The following ASTE1 variants were observed in gnomAD, a reference collection of about 807,000 sequenced individuals.
ASTE1 encodes the protein single-strand DNA endonuclease ASTE1.
ASTE1 carries 49 observed loss-of-function variants against 45.8 expected under a neutral mutation model. The ratio of observed to expected loss-of-function variants is 1.07; its 90% CI spans 0.85 to 1.36. The LOEUF is 1.36. Among genes scored for constraint, ASTE1 ranks in the 40% most tolerant of loss-of-function variants. The pLI, the probability that ASTE1 is intolerant of heterozygous loss-of-function variation, is 0.00. For synonymous variants in ASTE1, 296 were observed against 303.9 expected, an observed-to-expected ratio of 0.97 and a Z score of 0.27; for missense variants, 709 against 804.0, an observed-to-expected ratio of 0.88 and a Z score of 1.43.
chr3:131,015,060 T>G, intron 5 of ASTE1: 1 of 504,714 alleles, frequency 2.0e-6, no homozygotes, highest in Non-Finnish European at 3.5e-6. Flanking sequence ...TGGCCTTAAA[T>G]TATTAAACGA....
chr3:131,024,260 T>A lies in ASTE1; in HGVS notation c.1047A>T (p.Arg349Ser). The A allele has an allele frequency of 6.2e-7, 1 of 1,614,106 alleles. No individual in the cohort carries two copies. Among genetic ancestry groups the A allele is most frequent in the East Asian group, 2.2e-5 (1 of 44,892 alleles). The change falls in exon 3 of 6, where the codon AGA (arginine) becomes AGT (serine). Residue 349 changes from arginine to serine, a missense_variant. By Grantham distance (110) the Arg-to-Ser change is moderately radical (BLOSUM62 -1). Coordinates refer to ENST00000264992, the MANE Select transcript of ASTE1 (RefSeq NM_014065.4). ...SPFISDALVLRRTILPTQVEN... is the reference protein window; with the variant it reads ...SPFISDALVLSRTILPTQVEN... ...CCACCTGTGTGGGAAGAATGGTCCG[T>A]CTTAGGACCAAAGCATCACTGATGA...
At position 131,014,390 on chromosome 3, in the gene ASTE1, G is replaced by C. The variant is rs770595282; in HGVS notation, c.1710-3C>G. ...GCACCAGGCTTCCACTGTACAGTCT[G>C]TTCAAAGCAAGAAAAAAGTATGTTG... On this transcript the variant is annotated splice_region_variant and splice_polypyrimidine_tract_variant and intron_variant, in intron 5 of 5. Transcript: ENST00000264992. 12 of 1,557,036 alleles carry C rather than the reference G, an allele frequency of 7.7e-6. No individual in the cohort carries two copies. Among genetic ancestry groups the C allele is most frequent in the Non-Finnish European group, 1.0e-5 (12 of 1,156,518 alleles).
Position 131,025,131 on chromosome 3 carries a change from A to G in ASTE1, c.176T>C (p.Val59Ala). ...CAGTGATTCAAAGAATTTTTGTACA[A>G]CATCTGCAAAAGAATCATAGTCCCC... ...YGGDYDSFAD[V>A]VQKFFESLFA... The change falls in exon 3 of 6, where the codon GTT becomes GCT. Residue 59 changes from valine (V) to alanine (A), a missense_variant. By Grantham distance (64) the Val-to-Ala change is moderately conservative (BLOSUM62 0). Coordinates refer to ENST00000264992, the MANE Select transcript of ASTE1 (RefSeq NM_014065.4). 6.2e-7 allele frequency: 1 copy of G among 1,614,178 alleles called. No individual in the cohort carries two copies. The highest frequency in any genetic ancestry group is 8.5e-7 in the Non-Finnish European group (1 of 1,180,002).
At position 131,018,605 on chromosome 3, in the gene ASTE1, A is replaced by C. The variant is rs1283365341; in HGVS notation, c.1414T>G (p.Trp472Gly). 8.7e-6 allele frequency: 14 copies of C among 1,613,794 alleles called. No homozygotes were observed. The highest frequency in any genetic ancestry group is 1.2e-5 in the Non-Finnish European group (14 of 1,179,950). Residue 472 changes from tryptophan to glycine, a missense_variant, in exon 4 of 6, where the codon TGG becomes GGG. By Grantham distance (184) the Trp-to-Gly change is radical. Coordinates refer to ENST00000264992, the MANE Select transcript of ASTE1 (RefSeq NM_014065.4). The stretch of plus-strand genomic sequence containing the variant: ...GCTTTGGTCTCGGTGTGCTGCAACC[A>C]GTAGCAACTGACAGCAATGGGCAAC... ...LKLPIAVSCY[W>G]LQHTETKAKL...
intron 3 of ASTE1, 117 bp from the exon 4 acceptor site, chr3:131,018,833 T>A: frequency 5.9e-6 from 6 of 1,012,782 alleles, no homozygotes; most frequent in Non-Finnish European, 8.6e-6. Context: ...CTGTTAAACT[T>A]ATCTTCTTGT....
At position 131,013,999 on chromosome 3, in the gene ASTE1, C is replaced by A; in HGVS notation, c.*58G>T. 7.7e-7 allele frequency: 1 copy of A among 1,296,212 alleles called. No homozygotes were observed. The highest frequency in any genetic ancestry group is 1.1e-6 in the Non-Finnish European group (1 of 947,066). The allele number at this position is 1,296,212 out of a possible 1,614,324, so 80.3% of individuals were successfully genotyped here. A position where few individuals can be genotyped will look rare whatever the true frequency, so the allele number is the denominator to read the frequency against. On this transcript the variant is annotated 3_prime_UTR_variant, in exon 6 of 6. Transcript: ENST00000264992. ...AAGCTAATTGTTTCAAGGGTGGTAA[C>A]GGAAGAATTTTAAGTAAGGATTATA... is the stretch of plus-strand genomic sequence containing the variant.
chr3:131,021,735 G>C (rs559156333), intron 3 of ASTE1, among the ~76,000 whole-genome samples: 1 of 152,274 alleles, frequency 6.6e-6, no homozygotes, highest in South Asian at 2.1e-4. Flanking sequence ...TGGATACATT[G>C]ATTATTTTAA....
chr3:131,014,977 G>C (rs1476675658), intron 5 of ASTE1, among the ~76,000 whole-genome samples: 1 of 152,168 alleles, frequency 6.6e-6, no homozygotes, highest in Non-Finnish European at 1.5e-5. Flanking sequence ...ATTATTAAGA[G>C]AACTGTTTTG....
chr3:131,019,489 A>C lies in ASTE1; in HGVS notation c.1303-773T>G, dbSNP rs565958124. ...TCAGAAGTAAAACAGCTATAAGAGC[A>C]CTGAGGTTCTTGTTGAAATAATTTT... On this transcript the variant is annotated intron_variant, in intron 3 of 5. Transcript: ENST00000264992. 8.5e-5 allele frequency among the ~76,000 whole-genome samples: 13 copies of C among 152,358 alleles called. No homozygotes were observed. The East Asian group carries it at 2.5e-3, about 29-fold the overall frequency.
chr3:131,014,365 G>A lies in ASTE1; in HGVS notation c.1732C>T (p.His578Tyr). Residue 578 changes from histidine (H) to tyrosine (Y), a missense_variant, in exon 6 of 6, where the codon CAC (histidine) becomes TAC (tyrosine). Physicochemically the swap from His to Tyr is moderately conservative, Grantham distance 83 (BLOSUM62 2). Coordinates refer to ENST00000264992, the MANE Select transcript of ASTE1 (RefSeq NM_014065.4). Reference protein sequence around the residue: ...LTRLYSGSLVHGLCQQLLAST... With the variant: ...LTRLYSGSLVYGLCQQLLAST... Reference sequence around the variant, plus strand: ...GCTAGCAGTTGCTGGCATAGTCCGTGCACCAGGCTTCCACTGTACAGTCTG... The same window carrying A: ...GCTAGCAGTTGCTGGCATAGTCCGTACACCAGGCTTCCACTGTACAGTCTG... 1 of 1,604,854 alleles carries A rather than the reference G, an allele frequency of 6.2e-7. No individual in the cohort carries two copies. The highest frequency in any genetic ancestry group is 1.1e-5 in the South Asian group (1 of 89,016).
chr3:131,019,300 T>C (rs555323673), intron 3 of ASTE1, among the ~76,000 whole-genome samples: 1 of 152,204 alleles, frequency 6.6e-6, no homozygotes, highest in Non-Finnish European at 1.5e-5. Flanking sequence ...GAATGCTTTA[T>C]TGTCTTTGCA....
chr3:131,020,693 A>G (rs971008120), intron 3 of ASTE1, among the ~76,000 whole-genome samples: 1 of 152,246 alleles, frequency 6.6e-6, no homozygotes, highest in African/African-American at 2.4e-5. Flanking sequence ...TGTGTTTGGA[A>G]TCACATGAGC....
chr3:131,015,218 G>A (rs552507543), intron 5 of ASTE1: 8 of 702,070 alleles, frequency 1.1e-5, no homozygotes, highest in African/African-American at 8.7e-5. Flanking sequence ...TTTTGTATGC[G>A]TCCATATATC....
In ASTE1 at chr3:131,024,766, TC is replaced by T. The variant is rs758436739; in HGVS notation, c.540del (p.Trp180Ter). ...TGFCPLNSFQ[W>X]RNMNTIKGTQ... Reference sequence around the variant, plus strand: ...GTGCCCTTAATAGTGTTCATATTTCTCCACTGAAAGCTATTCAATGGGCAAA... The same window carrying T: ...GTGCCCTTAATAGTGTTCATATTTCTCACTGAAAGCTATTCAATGGGCAAA... On this transcript the variant is annotated frameshift_variant, in exon 3 of 6. Coordinates refer to ENST00000264992, the MANE Select transcript of ASTE1 (RefSeq NM_014065.4). LOFTEE classifies it high-confidence loss of function. 1 of 1,613,962 alleles carries T rather than the reference TC, an allele frequency of 6.2e-7. No individual in the cohort carries two copies. Among genetic ancestry groups the T allele is most frequent in the South Asian group, 1.1e-5 (1 of 91,042 alleles).
chr3:131,018,105 T>C (rs2063687529), intron 4 of ASTE1, among the ~76,000 whole-genome samples: 1 of 152,134 alleles, frequency 6.6e-6, no homozygotes, highest in Admixed American at 6.5e-5. Context: ...TGTAGGTATT[T>C]AGATAAGTTT....
intron 2 of ASTE1, 63 bp downstream of exon 2, chr3:131,025,411 A>G (rs1427078726): frequency 6.7e-7 from 1 of 1,496,852 alleles, no homozygotes; most frequent in Non-Finnish European, 8.9e-7. Context: ...CCATTAAATC[A>G]ATAGCAAATG....
Position 131,025,507 on chromosome 3 carries a change from C to T in ASTE1, c.-59G>A, listed in dbSNP as rs1577117756. On this transcript the variant is annotated 5_prime_UTR_variant, in exon 2 of 6. An upstream start codon of the reference 5' UTR is lost. Coordinates refer to ENST00000264992, the MANE Select transcript of ASTE1 (RefSeq NM_014065.4). ...TCAAGCAATGTTAGCTGTGCTTTTT[C>T]ATTCTCCTTTGCTTTCTGATACAAG... is the stretch of plus-strand genomic sequence containing the variant. The T allele has an allele frequency of 1.1e-6, 1 of 875,372 alleles. No homozygotes were observed. The highest frequency in any genetic ancestry group is 2.9e-5 in the East Asian group (1 of 34,878). 54.2% of individuals were successfully genotyped at this position (875,372 alleles called of 1,614,324 possible). A position where few individuals can be genotyped will look rare whatever the true frequency, so the allele number is the denominator to read the frequency against.
rs566959217 is a variant in ASTE1 at position 131,026,458 on chromosome 3, C to G, written c.-147+49G>C. ...ACACAGGCCTTCATACACCGTGCCA[C>G]CTCGGCCCTCACAACCCGCCGCCCG... On this transcript the variant is annotated intron_variant, in intron 1 of 5. Transcript: ENST00000264992. 338 of 153,140 alleles carry G rather than the reference C, an allele frequency of 2.2e-3. 6 individuals carry two copies. The highest frequency in any genetic ancestry group is 3.8e-4 in the Non-Finnish European group (26 of 68,702). 9.5% of individuals were successfully genotyped at this position (153,140 alleles called of 1,614,324 possible).
chr3:131,024,329 T>A lies in ASTE1; in HGVS notation c.978A>T (p.Pro326=), dbSNP rs200755019. The A allele has an allele frequency of 9.9e-6, 16 of 1,614,268 alleles. No individual in the cohort carries two copies. In the African/African-American group the frequency reaches 1.9e-4, roughly 19 times the overall value. Residue 326 remains proline, a synonymous_variant, in exon 3 of 6, where the codon CCA becomes CCT. Transcript: ENST00000264992. ...VCPDALNLGL[P]EWVLVALAKG... is the part of the protein sequence containing the mutation. ...TAGCTAAAGCCACTAATACCCATTC[T>A]GGTAAACCAAGATTCAAGGCATCTG...
Sources: allele counts gnomAD v4.1 joint callset (sites outside exome capture counted in the v4.1 genomes callset), GRCh38; gene constraint gnomAD v4.1.1; transcripts MANE v1.5; gene names NCBI Gene and HGNC (gene_info 2026-07-23, HGNC 2026-07-21).